MICALL2: variants seen among roughly 807,000 people sequenced by gnomAD.
MICALL2 encodes MICAL like 2, also known as MICAL-like protein 2.
Under a neutral mutation model 91.1 loss-of-function variants are expected in MICALL2, and 111 were observed. That is an observed-to-expected ratio of 1.22 (90% CI 1.04 to 1.43). The LOEUF (loss-of-function observed/expected upper bound fraction) is 1.43. Among genes scored for constraint, MICALL2 ranks in the 40% most tolerant of loss-of-function variants. The pLI is 0.00. For missense variants in MICALL2, 1,556 were observed against 1,236.0 expected (o/e 1.26, Z -3.88); for synonymous variants, 694 against 525.3 (o/e 1.32, Z -4.39).
intron 6 of MICALL2, among the ~76,000 whole-genome samples, chr7:1,443,360 G>A (rs529532869): frequency 9.9e-5 from 15 of 152,162 alleles, no homozygotes; most frequent in African/African-American, 2.2e-4. Context: ...TGACCACTGC[G>A]GGGGCAGGAG....
At position 1,438,185 on chromosome 7, in the gene MICALL2, C is replaced by A; in HGVS notation, c.2223G>T (p.Gln741His). The A allele has an allele frequency of 6.3e-7, 1 of 1,575,970 alleles. No individual in the cohort carries two copies. The highest frequency in any genetic ancestry group is 8.6e-7 in the Non-Finnish European group (1 of 1,160,694). ...HPDYLSPEEI[Q>H]RQLQDIERRL... ...GCCTCTCGATGTCCTGCAGCTGCCT[C>A]TGTATCTCCTCCGGGGAGAGGTAGT... The change falls in exon 12 of 17, where the codon CAG becomes CAT. Residue 741 changes from glutamine (Q) to histidine (H), a missense_variant. Transcript: ENST00000297508.
chr7:1,437,735 C>A (rs1014636523), intron 13 of MICALL2, 127 bp from the exon 14 acceptor site: 2 of 1,258,654 alleles, frequency 1.6e-6, no homozygotes, highest in Admixed American at 2.0e-5. Context: ...CGCCGCCCGT[C>A]CCCCGCCTGG....
chr7:1,434,985 G>GGCCCCCCCCCC, intron 16 of MICALL2, 116 bp downstream of exon 16: 2 of 255,664 alleles, frequency 7.8e-6, no homozygotes, highest in Non-Finnish European at 1.5e-5. Context: ...CCCGATACCC[G>GGCCCCCCCCCC]CCCCCCCCCC....
At position 1,447,748 on chromosome 7, in the gene MICALL2, C is replaced by A. The variant is rs143607097; in HGVS notation, c.352G>T (p.Val118Leu). ...GRSPIGGMAGVKRASEDSEEE... is the reference protein window; with the variant it reads ...GRSPIGGMAGLKRASEDSEEE... ...TCAGAGTCCTCCGAGGCCCTCTTCA[C>A]GCCTGCCATGCCCCCAACTGGAGGA... is the stretch of plus-strand genomic sequence containing the variant. The change falls in exon 4 of 17, where the codon GTG becomes TTG. Residue 118 changes from valine to leucine, a missense_variant. Coordinates refer to ENST00000297508, the MANE Select transcript of MICALL2 (RefSeq NM_182924.4). 1.7e-3 allele frequency: 2,699 copies of A among 1,545,498 alleles called. 22 individuals are homozygous for A. In the African/African-American group the frequency reaches 0.018, roughly 10 times the overall value.
chr7:1,439,011 G>T lies in MICALL2; in HGVS notation c.1967-16C>A. 2 of 1,579,310 alleles carry T rather than the reference G, an allele frequency of 1.3e-6. No homozygotes were observed. Among genetic ancestry groups the T allele is most frequent in the Non-Finnish European group, 1.7e-6 (2 of 1,165,194 alleles). On this transcript the variant is annotated splice_polypyrimidine_tract_variant and intron_variant, in intron 9 of 16. Transcript: ENST00000297508. ...GGGGACCTGGCTGCCCCCAGGTGGG[G>T]AGACAGAGCCACGCTTCAGAGCAGG...
In MICALL2 at chr7:1,437,590, C is replaced by G; in HGVS notation, c.2421G>C (p.Leu807=). The part of the protein sequence containing the change: ...ELMYKSKAQR[L]EEQQLDIEGE... ...CCTCGATGTCCAGCTGCTGCTCCTC[C>G]AGACGCTGGGCCTTGGACCTGCCGC... The change falls in exon 14 of 17, where the codon CTG becomes CTC. Residue 807 remains leucine, a synonymous_variant. Transcript: ENST00000297508. 1 of 1,538,552 alleles carries G rather than the reference C, an allele frequency of 6.5e-7. No individual in the cohort carries two copies. The highest frequency in any genetic ancestry group is 1.2e-5 in the South Asian group (1 of 83,930).
intron 12 of MICALL2, 55 bp downstream of exon 12, chr7:1,438,042 G>C: frequency 6.4e-7 from 1 of 1,561,726 alleles, no homozygotes; most frequent in South Asian, 1.2e-5. Context: ...CCAGCCCCAG[G>C]ACTGAGGGTG....
rs1446033329 is a variant in MICALL2 at position 1,436,340 on chromosome 7, C to T, written c.2591+402G>A. Reference sequence around the variant, plus strand: ...GAGGTTGCAGTGAGCCAAGATCGCACCACTACACTCCAGCCTGGGCAACAG... The same window carrying T: ...GAGGTTGCAGTGAGCCAAGATCGCATCACTACACTCCAGCCTGGGCAACAG... On this transcript the variant is annotated intron_variant, in intron 15 of 16. Coordinates refer to ENST00000297508, the MANE Select transcript of MICALL2 (RefSeq NM_182924.4). Among the ~76,000 whole-genome samples, 3 of 151,724 alleles carry T rather than the reference C, an allele frequency of 2.0e-5. No homozygotes were observed. The East Asian group carries it at 5.8e-4, about 29-fold the overall frequency.
chr7:1,456,344 G>C (rs1361150762), intron 1 of MICALL2, among the ~76,000 whole-genome samples: 1 of 152,242 alleles, frequency 6.6e-6, no homozygotes, highest in Non-Finnish European at 1.5e-5. Flanking sequence ...AACTTTGGGA[G>C]GCTGAAGAGG....
intron 1 of MICALL2, 45 bp downstream of exon 1, chr7:1,459,139 G>C: frequency 6.4e-7 from 1 of 1,566,560 alleles, no homozygotes; most frequent in East Asian, 2.4e-5. Flanking sequence ...GTGTCAGCGC[G>C]CAGCCGAACA....
intron 15 of MICALL2, among the ~76,000 whole-genome samples, chr7:1,435,575 C>T (rs916904435): frequency 2.6e-5 from 4 of 152,228 alleles, no homozygotes; most frequent in African/African-American, 9.6e-5. Context: ...ACAGAAGGGC[C>T]TCGGCCGACC....
chr7:1,435,614 G>C (rs1779931637), intron 15 of MICALL2, among the ~76,000 whole-genome samples: 1 of 152,388 alleles, frequency 6.6e-6, no homozygotes, highest in South Asian at 2.1e-4. Context: ...CGCTCCCAGA[G>C]GGTCTCATAG....
At position 1,459,464 on chromosome 7, in the gene MICALL2, C is replaced by A; in HGVS notation, c.-138G>T. ...CCCACGGCGCCCAGCCCCAGCTGAGCCGGACTGAGGGCGACGAGTGCCGGG... is the reference window on the plus strand; with the variant it reads ...CCCACGGCGCCCAGCCCCAGCTGAGACGGACTGAGGGCGACGAGTGCCGGG... On this transcript the variant is annotated 5_prime_UTR_variant, in exon 1 of 17. Coordinates refer to ENST00000297508, the MANE Select transcript of MICALL2 (RefSeq NM_182924.4). 1.3e-6 allele frequency: 1 copy of A among 796,206 alleles called. No homozygotes were observed. Among genetic ancestry groups the A allele is most frequent in the Non-Finnish European group, 1.8e-6 (1 of 567,750 alleles). The allele number at this position is 796,206 out of a possible 1,614,324, so 49.3% of individuals were successfully genotyped here.
chr7:1,436,672 C>A, intron 15 of MICALL2, 70 bp downstream of exon 15: 1 of 1,217,342 alleles, frequency 8.2e-7, no homozygotes, highest in South Asian at 1.4e-5. Context: ...GCTGGCTGAC[C>A]CTGAGGGCCG....
rs746901894 is a variant in MICALL2 at position 1,439,978 on chromosome 7, G to A, written c.1913C>T (p.Pro638Leu). 1 of 1,524,240 alleles carries A rather than the reference G, an allele frequency of 6.6e-7. No homozygotes were observed. The allele number at this position is 1,524,240 out of a possible 1,614,324, so 94.4% of individuals were successfully genotyped here. Residue 638 changes from proline to leucine, a missense_variant, in exon 9 of 17, where the codon CCC (proline) becomes CTC (leucine). Pro to Leu is a moderately conservative substitution (Grantham distance 98). Coordinates refer to ENST00000297508, the MANE Select transcript of MICALL2 (RefSeq NM_182924.4). ...GCGTGGGGTCCTGTCAGGCCTCACG[G>A]GGGTCAGGGTGATGTGGACACTCCC... Reference protein sequence around the residue: ...FAGSVHITLTPVRPDRTPRPA... With the variant: ...FAGSVHITLTLVRPDRTPRPA...
Position 1,442,182 on chromosome 7 carries a change from CCTTA to C in MICALL2, c.1711+6_1711+9del, listed in dbSNP as rs749664378. On this transcript the variant is annotated splice_donor_region_variant and intron_variant, in intron 7 of 16. Transcript: ENST00000297508. The stretch of plus-strand genomic sequence containing the variant: ...CCCCGGGGCCTCCTGCCTCCCAGCC[CCTTA>C]CTCACCCTGCGTTAAGGTGGTGCTT... 8.1e-6 allele frequency: 13 copies of C among 1,611,568 alleles called. No homozygotes were observed. Among genetic ancestry groups the C allele is most frequent in the Non-Finnish European group, 1.0e-5 (12 of 1,179,734 alleles).
Position 1,445,212 on chromosome 7 carries a change from G to A in MICALL2, c.858C>T (p.Ala286=). The A allele has an allele frequency of 2.5e-6, 4 of 1,604,554 alleles. No homozygotes were observed. Among genetic ancestry groups the A allele is most frequent in the Non-Finnish European group, 3.4e-6 (4 of 1,176,364 alleles). Residue 286 remains alanine (A), a synonymous_variant, in exon 6 of 17, where the codon GCC becomes GCT. Transcript: ENST00000297508. ...AQEANKARPS[A]WEPAAGNSPA... ...GCGAGTTGCCCGCAGCAGGCTCCCA[G>A]GCCGACGGTCTGGCCTTGTTTGCCT...
intron 14 of MICALL2, chr7:1,437,074 G>C (rs368750321): frequency 4.6e-5 from 23 of 494,986 alleles, no homozygotes; most frequent in African/African-American, 3.8e-4. Flanking sequence ...TCATCTCGCA[G>C]AAACACCACT....
chr7:1,438,651 A>T, intron 10 of MICALL2, 189 bp downstream of exon 10: 2 of 1,423,026 alleles, frequency 1.4e-6, no homozygotes, highest in Non-Finnish European at 1.8e-6. Context: ...GTAACAAGGT[A>T]CTCTGAAACA....
Sources: gnomAD v4.1 joint callset for allele counts (sites outside exome capture counted in the v4.1 genomes callset) on GRCh38, gnomAD v4.1.1 for gene constraint, MANE v1.5 for transcripts, NCBI Gene and HGNC (gene_info 2026-07-23, HGNC 2026-07-21) for gene names.